Variants in ORC4 observed in about 807,000 individuals in gnomAD.
The protein encoded by ORC4 is origin recognition complex, subunit 4 homolog.
A neutral mutation model predicts 63.9 loss-of-function variants in ORC4; 55 were observed. The ratio of observed to expected loss-of-function variants is 0.86; its 90% CI spans 0.69 to 1.08. ORC4 has a LOEUF of 1.08. Among genes scored for constraint, ORC4 ranks in the 50% least tolerant of loss-of-function variants. ORC4 has a pLI of 0.00. For synonymous variants in ORC4, 150 were observed against 168.5 expected, an observed-to-expected ratio of 0.89 and a Z score of 0.85; for missense variants, 511 against 504.4, an observed-to-expected ratio of 1.01 and a Z score of -0.13.
At chr2:148,003,907 A>C (rs750547408) in intron 1 of ORC4, among the ~76,000 whole-genome samples, 1 of 152,234 alleles carries the variant, frequency 6.6e-6, no homozygotes, top group Non-Finnish European at 1.5e-5. Flanking sequence ...CAATTTCAGC[A>C]AAGTGTCAGG....
In ORC4 at chr2:147,958,782, C is replaced by A. The variant is rs755057295; in HGVS notation, c.301+9G>T. 36 of 1,324,842 alleles carry A rather than the reference C, an allele frequency of 2.7e-5. No homozygotes were observed. The Admixed American group carries it at 6.1e-4, about 22-fold the overall frequency. The allele number at this position is 1,324,842 out of a possible 1,614,324, so 82.1% of individuals were successfully genotyped here. On this transcript the variant is annotated intron_variant, in intron 5 of 13. Transcript: ENST00000392857. ...ATAATCTCCAATGGCAAAATAATGG[C>A]ATACTTACCATTTAAGTGAACTTGT...
At chr2:147,996,048 TA>T (rs2105417677) in intron 1 of ORC4, among the ~76,000 whole-genome samples, 1 of 150,922 alleles carries the variant, frequency 6.6e-6, no homozygotes, top group Admixed American at 6.6e-5. Context: ...CTTACGCCTG[TA>T]ATCCCAGTGC....
Position 147,958,868 on chromosome 2 carries a change from T to G in ORC4, c.226-2A>C. 1 of 1,174,150 alleles carries G rather than the reference T, an allele frequency of 8.5e-7. No individual in the cohort carries two copies. The highest frequency in any genetic ancestry group is 1.3e-6 in the Non-Finnish European group (1 of 785,138). 72.7% of individuals were successfully genotyped at this position (1,174,150 alleles called of 1,614,324 possible). ...TTCTTTCAAAGCATGATTTATTAAC[T>G]AAATATGAAAAGTTTATGAAATAAT... On this transcript the variant is annotated splice_acceptor_variant, in intron 4 of 13. Coordinates refer to ENST00000392857, the MANE Select transcript of ORC4 (RefSeq NM_181741.4). LOFTEE classifies it high-confidence loss of function.
chr2:147,962,911 G>A (rs1056352246), intron 4 of ORC4, among the ~76,000 whole-genome samples: 7 of 151,996 alleles, frequency 4.6e-5, no homozygotes, highest in South Asian at 2.1e-4. Flanking sequence ...CAGCCCAGCC[G>A]AGCAGCCATG....
chr2:148,009,421 T>C (rs1692819168), intron 1 of ORC4, among the ~76,000 whole-genome samples: 1 of 151,962 alleles, frequency 6.6e-6, no homozygotes, highest in South Asian at 2.1e-4. Context: ...AGAGCCCAAG[T>C]AGCTTTGTAT....
intron 13 of ORC4, chr2:147,936,553 C>T (rs1688061268): frequency 6.6e-6 from 1 of 152,142 alleles, no homozygotes; most frequent in Non-Finnish European, 1.5e-5. Flanking sequence ...CTATGTATCA[C>T]ATAAATTCTT....
Position 147,948,457 on chromosome 2 carries a change from T to G in ORC4, c.589-233A>C, listed in dbSNP as rs368918285. ...CCCACCATGTTACTCTCAGCTAATCTGTAACATTCCAAGACCCAACATGAC... is the reference window on the plus strand; with the variant it reads ...CCCACCATGTTACTCTCAGCTAATCGGTAACATTCCAAGACCCAACATGAC... On this transcript the variant is annotated intron_variant, in intron 8 of 13. Transcript: ENST00000392857. Among the ~76,000 whole-genome samples the G allele has an allele frequency of 5.8e-4, 88 of 152,246 alleles. 2 individuals are homozygous for G. The highest frequency in any genetic ancestry group is 2.0e-3 in the African/African-American group (85 of 41,586).
Position 147,945,140 on chromosome 2 carries a change from C to G in ORC4, c.763-1618G>C, listed in dbSNP as rs151184719. On this transcript the variant is annotated intron_variant, in intron 9 of 13. Coordinates refer to ENST00000392857, the MANE Select transcript of ORC4 (RefSeq NM_181741.4). ...GTTGTAAAAGTTGATGTGGTAAAAT[C>G]GGAGCACTTAGGAAAACTAAAGAAA... 1.2e-4 allele frequency among the ~76,000 whole-genome samples: 18 copies of G among 152,052 alleles called. 1 individual carries two copies. The highest frequency in any genetic ancestry group is 4.3e-4 in the African/African-American group (18 of 41,514).
chr2:147,969,254 A>G (rs1481794138), intron 4 of ORC4, among the ~76,000 whole-genome samples: 1 of 151,996 alleles, frequency 6.6e-6, no homozygotes, highest in African/African-American at 2.4e-5. Context: ...ATAATTAACA[A>G]TAATATTTTC....
intron 1 of ORC4, among the ~76,000 whole-genome samples, chr2:147,980,026 T>C (rs557023916): frequency 6.6e-6 from 1 of 152,248 alleles, no homozygotes; most frequent in African/African-American, 2.4e-5. Context: ...TTTTGGGATA[T>C]GACTCCAAAA....
chr2:147,967,615 GA>G (rs1689968289), intron 4 of ORC4, among the ~76,000 whole-genome samples: 1 of 151,770 alleles, frequency 6.6e-6, no homozygotes, highest in Non-Finnish European at 1.5e-5. Flanking sequence ...TTTGTACAAG[GA>G]AAACTACAAA....
intron 7 of ORC4, among the ~76,000 whole-genome samples, chr2:147,954,131 ATAAACT>A (rs1259944764): frequency 6.6e-6 from 1 of 151,972 alleles, no homozygotes; most frequent in African/African-American, 2.4e-5. Context: ...AACTTTCTAG[ATAAACT>A]TAACTATGTG....
chr2:147,972,657 GATTT>G, intron 4 of ORC4, 78 bp downstream of exon 4: 1 of 690,708 alleles, frequency 1.4e-6, no homozygotes, highest in Non-Finnish European at 2.4e-6. Flanking sequence ...CATAAAATAA[GATTT>G]ATATATGAAT....
intron 8 of ORC4, among the ~76,000 whole-genome samples, chr2:147,951,972 T>C (rs1310194720): frequency 6.6e-6 from 1 of 152,236 alleles, no homozygotes; most frequent in Non-Finnish European, 1.5e-5. Flanking sequence ...GATGTGTACT[T>C]TGAAAGTTGG....
chr2:147,986,873 T>A (rs1691233746), intron 1 of ORC4, among the ~76,000 whole-genome samples: 1 of 151,054 alleles, frequency 6.6e-6, no homozygotes, highest in Admixed American at 6.6e-5. Context: ...TAAATAATTA[T>A]AGTAGCAGGT....
Position 147,932,974 on chromosome 2 carries a change from T to G in ORC4, c.*2536A>C, listed in dbSNP as rs984175192. ...CAACATATACAGCATTATGATACAG[T>G]AAGTTTGGACCAAACAGGTATTCAT... On this transcript the variant is annotated 3_prime_UTR_variant, in exon 14 of 14. Transcript: ENST00000392857. 2.0e-5 allele frequency: 3 copies of G among 152,126 alleles called. No individual in the cohort carries two copies. Among genetic ancestry groups the G allele is most frequent in the Admixed American group, 1.3e-4 (2 of 15,244 alleles). 9.4% of individuals were successfully genotyped at this position (152,126 alleles called of 1,614,324 possible).
chr2:147,951,116 C>A (rs1213575620), intron 8 of ORC4, among the ~76,000 whole-genome samples: 3 of 152,040 alleles, frequency 2.0e-5, no homozygotes, highest in African/African-American at 7.2e-5. Flanking sequence ...GGGCAAATGA[C>A]AGTCACTCTA....
At chr2:147,936,358 A>G (rs535798791) in intron 13 of ORC4, 48 of 152,526 alleles carry the variant, frequency 3.1e-4, no homozygotes, top group African/African-American at 1.2e-3. Flanking sequence ...TCTTATCCTT[A>G]ATATTCACCT....
At chr2:147,977,166 TG>T (rs1231443582) in intron 1 of ORC4, among the ~76,000 whole-genome samples, 1 of 152,190 alleles carries the variant, frequency 6.6e-6, no homozygotes, top group African/African-American at 2.4e-5. Flanking sequence ...AGGCTAGGTA[TG>T]TTGACCAAAA....
Sources: gnomAD v4.1 joint callset for allele counts (sites outside exome capture counted in the v4.1 genomes callset) on GRCh38, gnomAD v4.1.1 for gene constraint, MANE v1.5 for transcripts, NCBI Gene and HGNC (gene_info 2026-07-23, HGNC 2026-07-21) for gene names.